Variants in XRN2 observed in about 807,000 individuals in gnomAD.
The protein encoded by XRN2 is 5'-3' exoribonuclease 2.
In XRN2, 44 loss-of-function variants were observed where a neutral mutation model predicts 138.5. The ratio of observed to expected loss-of-function variants is 0.32; its 90% CI spans 0.25 to 0.41. XRN2 has a LOEUF of 0.41. Among genes scored for constraint, XRN2 ranks in the 10% least tolerant of loss-of-function variants. XRN2 has a pLI of 1.00. For synonymous variants in XRN2, 354 were observed against 369.4 expected, an observed-to-expected ratio of 0.96 and a Z score of 0.48; for missense variants, 937 against 1,169.3, an observed-to-expected ratio of 0.80 and a Z score of 2.90.
intron 29 of XRN2, among the ~76,000 whole-genome samples, chr20:21,387,880 T>G (rs1408397767): frequency 6.6e-6 from 1 of 152,240 alleles, no homozygotes; most frequent in African/African-American, 2.4e-5. Flanking sequence ...ATTTTGTATG[T>G]TTTTTGATGT....
intron 24 of XRN2, among the ~76,000 whole-genome samples, chr20:21,360,916 A>G (rs1158262634): frequency 2.0e-5 from 3 of 152,220 alleles, no homozygotes; most frequent in African/African-American, 7.2e-5. Context: ...AATGTCAAGT[A>G]TATGAATCAT....
chr20:21,376,199 C>T (rs113576995), intron 27 of XRN2, among the ~76,000 whole-genome samples: 10 of 151,932 alleles, frequency 6.6e-5, no homozygotes, highest in African/African-American at 1.9e-4. Flanking sequence ...GTAATCCAAG[C>T]ACAGATTTAA....
chr20:21,378,706 G>C (rs2038851356), intron 27 of XRN2, among the ~76,000 whole-genome samples: 1 of 152,190 alleles, frequency 6.6e-6, no homozygotes, highest in South Asian at 2.1e-4. Flanking sequence ...GTTTTAGTAA[G>C]ATTGAGTTCT....
At chr20:21,303,773 T>C in intron 1 of XRN2, 1 of 1,163,936 alleles carries the variant, frequency 8.6e-7, no homozygotes, top group Non-Finnish European at 1.1e-6. Flanking sequence ...CGCCCACTGC[T>C]TTGTTTCCTC....
At position 21,344,137 on chromosome 20, in the gene XRN2, G is replaced by T; in HGVS notation, c.1458G>T (p.Pro486=). The T allele has an allele frequency of 6.2e-7, 1 of 1,613,074 alleles. No homozygotes were observed. The highest frequency in any genetic ancestry group is 1.3e-5 in the African/African-American group (1 of 74,996). ...PNTSFTSDGS[P]SPLGGIKRKA... ...CGAGTTTCACATCTGATGGCTCCCC[G>T]TCTCCATTAGGAGGAATTAAGCGAA... Residue 486 remains proline, a synonymous_variant, in exon 16 of 30, where the codon CCG becomes CCT. Coordinates refer to ENST00000377191, the MANE Select transcript of XRN2 (RefSeq NM_012255.5).
intron 20 of XRN2, among the ~76,000 whole-genome samples, chr20:21,350,254 C>G (rs2038488975): frequency 6.6e-6 from 1 of 152,126 alleles, no homozygotes; most frequent in Non-Finnish European, 1.5e-5. Flanking sequence ...TGGCCGGGCG[C>G]AGTGGCTCGC....
intron 20 of XRN2, among the ~76,000 whole-genome samples, chr20:21,350,277 A>G (rs960550405): frequency 1.3e-5 from 2 of 152,198 alleles, no homozygotes; most frequent in African/African-American, 4.8e-5. Context: ...CTGTAATCCC[A>G]GCAATTTGGG....
chr20:21,322,065 A>G (rs761719594), intron 1 of XRN2, among the ~76,000 whole-genome samples: 22 of 152,202 alleles, frequency 1.4e-4, no homozygotes, highest in Non-Finnish European at 2.6e-4. Flanking sequence ...GACTTTGGAA[A>G]AGCCACTTAA....
Position 21,344,071 on chromosome 20 carries a change from A to G in XRN2, c.1411-19A>G. ...TGAATAATGAAATCCTTCTTCTGTA[A>G]TGTCATCATTGTCTGCAGAGTCCTT... is the stretch of plus-strand genomic sequence containing the variant. On this transcript the variant is annotated intron_variant, in intron 15 of 29. Coordinates refer to ENST00000377191, the MANE Select transcript of XRN2 (RefSeq NM_012255.5). The G allele has an allele frequency of 1.9e-6, 3 of 1,544,802 alleles. No individual in the cohort carries two copies. The highest frequency in any genetic ancestry group is 1.8e-6 in the Non-Finnish European group (2 of 1,118,740).
chr20:21,348,557 C>T (rs1056707849), intron 19 of XRN2, 127 bp downstream of exon 19: 6 of 808,198 alleles, frequency 7.4e-6, no homozygotes, highest in Non-Finnish European at 1.2e-5. Flanking sequence ...TTTTTTACTC[C>T]AAACACACAT....
At position 21,309,089 on chromosome 20, in the gene XRN2, TC is replaced by T. The variant is rs148864171; in HGVS notation, c.75+5617del. Among the ~76,000 whole-genome samples the T allele has an allele frequency of 5.3e-3, 800 of 152,340 alleles. 9 individuals are homozygous for T. Among genetic ancestry groups the T allele is most frequent in the African/African-American group, 0.018 (766 of 41,576 alleles). On this transcript the variant is annotated intron_variant, in intron 1 of 29. Transcript: ENST00000377191. ...AGTTTGCTAAAGTTTGCTAAAGTTT[TC>T]TTGAGAATTCTTGAGAATTGTGTCT...
At chr20:21,354,728 A>T in intron 20 of XRN2, 61 bp from the exon 21 acceptor site, 4 of 1,490,336 alleles carry the variant, frequency 2.7e-6, no homozygotes, top group East Asian at 4.5e-5. Flanking sequence ...TCGAGCAATG[A>T]TAAGTTGGAA....
chr20:21,325,094 C>T (rs1167970000), intron 1 of XRN2, among the ~76,000 whole-genome samples: 2 of 152,204 alleles, frequency 1.3e-5, no homozygotes, highest in East Asian at 3.8e-4. Context: ...TACTTCATGA[C>T]TGGCTTCTTT....
chr20:21,356,559 T>C (rs1349040789), intron 22 of XRN2, 27 bp from the exon 23 acceptor site: 4 of 1,595,658 alleles, frequency 2.5e-6, no homozygotes, highest in East Asian at 2.2e-5. Context: ...TCTTTGCATA[T>C]GAGATCAGGA....
intron 14 of XRN2, among the ~76,000 whole-genome samples, chr20:21,339,418 A>G (rs2038342712): frequency 1.3e-5 from 2 of 152,080 alleles, no homozygotes; most frequent in African/African-American, 4.8e-5. Flanking sequence ...TCTTATTTCT[A>G]CCTCTTTGTC....
Position 21,368,606 on chromosome 20 carries a change from T to A in XRN2, c.2584+16T>A, listed in dbSNP as rs2038729217. ...CTTATGTCAAGTAAGCTTTTACAAA[T>A]CGGTTATTTTACATTATAAATTAAA... On this transcript the variant is annotated intron_variant, in intron 27 of 29. Coordinates refer to ENST00000377191, the MANE Select transcript of XRN2 (RefSeq NM_012255.5). 1 of 1,608,146 alleles carries A rather than the reference T, an allele frequency of 6.2e-7. No individual in the cohort carries two copies. The highest frequency in any genetic ancestry group is 1.1e-5 in the South Asian group (1 of 89,292).
At chr20:21,332,481 A>AG in intron 9 of XRN2, 41 bp downstream of exon 9, 1 of 1,539,608 alleles carries the variant, frequency 6.5e-7, no homozygotes, top group Non-Finnish European at 8.7e-7. Flanking sequence ...TAAAAAAAAA[A>AG]ATCTATTGTG....
At chr20:21,338,763 G>A (rs567570023) in intron 13 of XRN2, among the ~76,000 whole-genome samples, 48 of 152,138 alleles carry the variant, frequency 3.2e-4, no homozygotes, top group Non-Finnish European at 6.2e-4. Context: ...ATAAAACCAA[G>A]GGTCTTTGTA....
At position 21,328,726 on chromosome 20, in the gene XRN2, G is replaced by C. The variant is rs1022102896; in HGVS notation, c.427+56G>C. ...TTTCATAAGATGTATGCAGAATGAG[G>C]GGGTGGTGGCAACTTTTTCTTACAA... is the stretch of plus-strand genomic sequence containing the variant. On this transcript the variant is annotated intron_variant, in intron 4 of 29. Transcript: ENST00000377191. 8 of 1,510,178 alleles carry C rather than the reference G, an allele frequency of 5.3e-6. No individual in the cohort carries two copies. In the Admixed American group the frequency reaches 6.0e-5, roughly 11 times the overall value. 93.5% of individuals were successfully genotyped at this position (1,510,178 alleles called of 1,614,324 possible).
Sources: gnomAD v4.1 joint callset for allele counts (sites outside exome capture counted in the v4.1 genomes callset) on GRCh38, gnomAD v4.1.1 for gene constraint, MANE v1.5 for transcripts, NCBI Gene and HGNC (gene_info 2026-07-23, HGNC 2026-07-21) for gene names.